ART3: variants seen among roughly 807,000 people sequenced by gnomAD.
ART3 encodes ecto-ADP-ribosyltransferase 3.
A neutral mutation model predicts 48.5 loss-of-function variants in ART3; 49 were observed. That is an observed-to-expected ratio of 1.01 (90% confidence interval 0.80 to 1.28). ART3 has a LOEUF of 1.28. Among genes scored for constraint, ART3 ranks in the 50% most tolerant of loss-of-function variants. The pLI is 0.00. For missense variants in ART3, 438 were observed against 454.3 expected (o/e 0.96, Z 0.33); for synonymous variants, 145 against 157.2 (o/e 0.92, Z 0.58).
chr4:76,043,626 C>G (rs6824963), intron 1 of ART3, among the ~76,000 whole-genome samples: 93,371 of 151,616 alleles, frequency 0.62, 30,102 homozygotes, highest in East Asian at 0.94. Flanking sequence ...CCAGCTGGCC[C>G]ACAAGCGCTG....
At chr4:76,047,313 C>T (rs937939989) in intron 1 of ART3, among the ~76,000 whole-genome samples, 3 of 151,932 alleles carry the variant, frequency 2.0e-5, no homozygotes, top group African/African-American at 4.8e-5. Flanking sequence ...TCCTTTTGGG[C>T]CTGTTCCTCT....
At chr4:76,086,536 C>G (rs909409133) in intron 3 of ART3, among the ~76,000 whole-genome samples, 4 of 152,108 alleles carry the variant, frequency 2.6e-5, no homozygotes, top group African/African-American at 9.7e-5. Flanking sequence ...ATTTGGAGAT[C>G]TAATGTGTAA....
intron 3 of ART3, among the ~76,000 whole-genome samples, chr4:76,089,831 C>T (rs1475914128): frequency 1.3e-5 from 2 of 152,094 alleles, no homozygotes; most frequent in African/African-American, 2.4e-5. Flanking sequence ...TCTGTAATCC[C>T]AGCACTTTGG....
chr4:76,089,804 G>T lies in ART3; in HGVS notation c.781+7269G>T, dbSNP rs574735416. Among the ~76,000 whole-genome samples, 315 of 152,138 alleles carry T rather than the reference G, an allele frequency of 2.1e-3. 5 individuals are homozygous for T. Among genetic ancestry groups the T allele is most frequent in the Non-Finnish European group, 6.6e-4 (45 of 67,964 alleles). ...AAATTTAAAATATTCTTTGGAGGCTGGGCGCGGTGGCTCACGTCTGTAATC... is the reference window on the plus strand; with the variant it reads ...AAATTTAAAATATTCTTTGGAGGCTTGGCGCGGTGGCTCACGTCTGTAATC... On this transcript the variant is annotated intron_variant, in intron 3 of 11. Coordinates refer to ENST00000355810, the MANE Select transcript of ART3 (RefSeq NM_001130016.3).
At chr4:76,081,720 G>A (rs530957055) in intron 2 of ART3, 104 bp from the exon 3 acceptor site, 32 of 1,249,316 alleles carry the variant, frequency 2.6e-5, no homozygotes, top group South Asian at 1.9e-4. Context: ...TAAGTCAGGC[G>A]AGAATTTTGG....
At chr4:76,092,145 A>G (rs1450433179) in intron 3 of ART3, among the ~76,000 whole-genome samples, 1 of 152,110 alleles carries the variant, frequency 6.6e-6, no homozygotes, top group Admixed American at 6.5e-5. Flanking sequence ...AATTTCTACA[A>G]TTTCTGCTTG....
intron 1 of ART3, among the ~76,000 whole-genome samples, chr4:76,065,314 A>T (rs4859607): frequency 0.98 from 148,699 of 152,266 alleles, 72,640 homozygotes; most frequent in East Asian, 1. Flanking sequence ...AATTTTTATT[A>T]TACAATAATT....
At chr4:76,039,460 C>T (rs1410640074) in intron 1 of ART3, among the ~76,000 whole-genome samples, 6 of 152,190 alleles carry the variant, frequency 3.9e-5, no homozygotes, top group African/African-American at 1.2e-4. Flanking sequence ...TGGCATACCA[C>T]ATCTAGCTTG....
At chr4:76,069,138 G>A (rs1363692435) in intron 1 of ART3, among the ~76,000 whole-genome samples, 1 of 140,224 alleles carries the variant, frequency 7.1e-6, no homozygotes, top group African/African-American at 3.2e-5. Context: ...CAAAACTGGT[G>A]ACAGGAAGAA....
chr4:76,013,143 C>T (rs991766248), intron 1 of ART3, among the ~76,000 whole-genome samples: 1 of 152,188 alleles, frequency 6.6e-6, no homozygotes, highest in African/African-American at 2.4e-5. Context: ...ACAACCCTGG[C>T]TGATGGGTTC....
chr4:76,090,267 C>T (rs940457596), intron 3 of ART3, among the ~76,000 whole-genome samples: 2 of 152,124 alleles, frequency 1.3e-5, no homozygotes, highest in Admixed American at 6.5e-5. Flanking sequence ...TTCGAGAGTT[C>T]GTCCAGCCTT....
chr4:76,069,911 T>A (rs941986721), upstream of ART3, among the ~76,000 whole-genome samples: 1 of 152,030 alleles, frequency 6.6e-6, no homozygotes, highest in African/African-American at 2.4e-5. Flanking sequence ...GATGTAGGCC[T>A]CAGAGTGGAA....
rs1269977185 is a variant in ART3 at position 76,106,144 on chromosome 4, A to T, written c.1003+1515A>T. 6 of 985,354 alleles carry T rather than the reference A, an allele frequency of 6.1e-6. No homozygotes were observed. The African/African-American group carries it at 1.0e-4, about 17-fold the overall frequency. The allele number at this position is 985,354 out of a possible 1,614,324, so 61.0% of individuals were successfully genotyped here. The stretch of plus-strand genomic sequence containing the variant: ...GGAACATAAGAAGGCTAACAAATTT[A>T]TAATAGGCTAGAGACAACCAGGACT... On this transcript the variant is annotated intron_variant, in intron 10 of 11. Transcript: ENST00000355810.
intron 3 of ART3, among the ~76,000 whole-genome samples, chr4:76,087,551 T>C (rs1723876082): frequency 3.3e-5 from 5 of 152,122 alleles, no homozygotes; most frequent in Admixed American, 3.3e-4. Flanking sequence ...AAAAAGACAA[T>C]GTTTCTAAAA....
chr4:76,056,199 C>A (rs1396930440), intron 1 of ART3, among the ~76,000 whole-genome samples: 1 of 152,180 alleles, frequency 6.6e-6, no homozygotes, highest in Non-Finnish European at 1.5e-5. Flanking sequence ...TCCCAGTAAC[C>A]CTAGGTGTTA....
At chr4:76,036,098 A>G (rs776023611) in intron 1 of ART3, 8 of 953,954 alleles carry the variant, frequency 8.4e-6, no homozygotes, top group Non-Finnish European at 1.3e-5. Flanking sequence ...ATTGGCATAT[A>G]TAGAGCATTT....
chr4:76,040,036 A>C (rs898740917), intron 1 of ART3, among the ~76,000 whole-genome samples: 1 of 152,220 alleles, frequency 6.6e-6, no homozygotes, highest in African/African-American at 2.4e-5. Context: ...TTTTAAAAAA[A>C]CATTAGAGCT....
intron 3 of ART3, 36 bp downstream of exon 3, chr4:76,082,571 G>A (rs1436191499): frequency 6.7e-7 from 1 of 1,495,978 alleles, no homozygotes. Flanking sequence ...GGCTGGGAGG[G>A]AAGGAGTGGG....
chr4:76,107,590 G>A (rs1203526006), intron 10 of ART3, 171 bp from the exon 11 acceptor site: 8 of 437,476 alleles, frequency 1.8e-5, no homozygotes, highest in Non-Finnish European at 3.4e-5. Context: ...GAGCACAGAT[G>A]AGAACAAATT....
Sources: allele counts gnomAD v4.1 joint callset (sites outside exome capture counted in the v4.1 genomes callset), GRCh38; gene constraint gnomAD v4.1.1; transcripts MANE v1.5; gene names NCBI Gene and HGNC (gene_info 2026-07-23, HGNC 2026-07-21).